NOL4: variants seen among roughly 807,000 people sequenced by gnomAD.
NOL4 encodes the protein nucleolar protein 4.
Under a neutral mutation model 75.9 loss-of-function variants are expected in NOL4, and 17 were observed. The ratio of observed to expected loss-of-function variants is 0.22; its 90% confidence interval spans 0.15 to 0.34. The LOEUF is 0.34. Ranked by LOEUF, NOL4 falls within the 10% of genes least tolerant of loss-of-function variation. The probability of loss-of-function intolerance (pLI) is 1.00; values close to 1 mark genes in which losing one functional copy is unlikely to be tolerated. For synonymous variants in NOL4, 292 were observed against 289.9 expected, an observed-to-expected ratio of 1.01 and a Z score of -0.07; for missense variants, 614 against 793.5, an observed-to-expected ratio of 0.77 and a Z score of 2.72.
chr18:33,871,873 G>T (rs980621710), intron 10 of NOL4, among the ~76,000 whole-genome samples: 1 of 152,026 alleles, frequency 6.6e-6, no homozygotes, highest in Non-Finnish European at 1.5e-5. Flanking sequence ...GGCCTTTCTT[G>T]GAGGCTTTCT....
intron 6 of NOL4, among the ~76,000 whole-genome samples, chr18:34,013,018 G>A (rs1297560526): frequency 6.6e-6 from 1 of 151,898 alleles, no homozygotes; most frequent in African/African-American, 2.4e-5. Flanking sequence ...TATTAATAAT[G>A]TCGCTGGAAT....
chr18:34,168,296 A>G (rs2032643195), intron 1 of NOL4, among the ~76,000 whole-genome samples: 3 of 152,086 alleles, frequency 2.0e-5, no homozygotes, highest in African/African-American at 7.2e-5. Flanking sequence ...AAAATGGAAT[A>G]CAGAAAATAA....
At chr18:34,059,095 A>G (rs2145095403) in intron 5 of NOL4, among the ~76,000 whole-genome samples, 1 of 143,716 alleles carries the variant, frequency 7.0e-6, no homozygotes, top group Admixed American at 7.3e-5. Context: ...AAAATCACAC[A>G]TATATATAGA....
chr18:34,052,146 A>C (rs1394583029), intron 5 of NOL4, among the ~76,000 whole-genome samples: 1 of 152,098 alleles, frequency 6.6e-6, no homozygotes, highest in African/African-American at 2.4e-5. Flanking sequence ...AAAGTGAATA[A>C]ATACTATCTA....
chr18:33,952,198 T>C (rs1483017170), intron 8 of NOL4, among the ~76,000 whole-genome samples: 5 of 152,098 alleles, frequency 3.3e-5, no homozygotes, highest in African/African-American at 1.2e-4. Flanking sequence ...GAGGCTCAGG[T>C]CAACACCTTG....
intron 1 of NOL4, among the ~76,000 whole-genome samples, chr18:34,178,021 TA>T (rs1245562267): frequency 6.6e-6 from 1 of 151,818 alleles, no homozygotes; most frequent in African/African-American, 2.4e-5. Context: ...CTACCTAGCT[TA>T]AAAGACAACT....
chr18:34,009,642 A>C (rs969434794), intron 6 of NOL4, among the ~76,000 whole-genome samples: 2 of 151,924 alleles, frequency 1.3e-5, no homozygotes, highest in Non-Finnish European at 2.9e-5. Context: ...GTTCAAAGTC[A>C]CAGAGCTGAT....
intron 5 of NOL4, among the ~76,000 whole-genome samples, chr18:34,027,275 G>A (rs1315350248): frequency 6.6e-6 from 1 of 152,152 alleles, no homozygotes; most frequent in Non-Finnish European, 1.5e-5. Flanking sequence ...CTCTCATGTG[G>A]GTTGGAGAAT....
chr18:34,141,204 A>C (rs2081141118), intron 1 of NOL4, among the ~76,000 whole-genome samples: 1 of 152,230 alleles, frequency 6.6e-6, no homozygotes, highest in Admixed American at 6.5e-5. Flanking sequence ...AAATGGAAGA[A>C]CATTCCATGC....
At chr18:33,903,654 T>C (rs1397046046) in intron 9 of NOL4, among the ~76,000 whole-genome samples, 1 of 152,202 alleles carries the variant, frequency 6.6e-6, no homozygotes, top group East Asian at 1.9e-4. Context: ...ATTCATTTTA[T>C]AATTGTGCCT....
At chr18:34,208,737 C>A (rs1421801940) in intron 1 of NOL4, among the ~76,000 whole-genome samples, 1 of 151,994 alleles carries the variant, frequency 6.6e-6, no homozygotes, top group African/African-American at 2.4e-5. Context: ...TGGCGCATGC[C>A]TGTAGCCTGA....
chr18:34,073,593 C>A (rs1283357699), intron 5 of NOL4, among the ~76,000 whole-genome samples: 1 of 151,832 alleles, frequency 6.6e-6, no homozygotes, highest in African/African-American at 2.4e-5. Context: ...ACAGAGACAA[C>A]CATTTCTTTC....
intron 9 of NOL4, among the ~76,000 whole-genome samples, chr18:33,930,626 C>CT (rs1290213381): frequency 6.6e-6 from 1 of 152,040 alleles, no homozygotes; most frequent in Admixed American, 6.6e-5. Flanking sequence ...TTCTCCAATG[C>CT]TGAGTAAACA....
chr18:33,986,394 T>C (rs2072457683), intron 6 of NOL4, among the ~76,000 whole-genome samples: 1 of 152,100 alleles, frequency 6.6e-6, no homozygotes, highest in African/African-American at 2.4e-5. Flanking sequence ...AATATGCCCT[T>C]GAACTTTTTA....
At chr18:33,891,938 A>G (rs529274668) in intron 9 of NOL4, among the ~76,000 whole-genome samples, 25 of 152,258 alleles carry the variant, frequency 1.6e-4, no homozygotes, top group East Asian at 7.7e-4. Flanking sequence ...GCAGTCCACA[A>G]TATGTTGAGA....
At chr18:34,115,531 T>C (rs951135084) in intron 2 of NOL4, among the ~76,000 whole-genome samples, 1 of 136,984 alleles carries the variant, frequency 7.3e-6, no homozygotes, top group Non-Finnish European at 1.6e-5. Context: ...ATAAGCAACA[T>C]GGAATAACTT....
At chr18:33,934,195 A>G (rs1460906093) in intron 9 of NOL4, among the ~76,000 whole-genome samples, 1 of 152,100 alleles carries the variant, frequency 6.6e-6, no homozygotes, top group Non-Finnish European at 1.5e-5. Flanking sequence ...GTGGGCTTAA[A>G]ATATTCAGTT....
intron 2 of NOL4, among the ~76,000 whole-genome samples, chr18:34,106,818 T>C (rs915765817): frequency 9.2e-5 from 14 of 152,032 alleles, no homozygotes; most frequent in African/African-American, 2.4e-4. Context: ...TCTTACTCTC[T>C]GAAGAAATAT....
intron 10 of NOL4, among the ~76,000 whole-genome samples, chr18:33,866,598 G>A (rs2063440269): frequency 6.6e-6 from 1 of 152,076 alleles, no homozygotes; most frequent in South Asian, 2.1e-4. Context: ...TTCTACCCAA[G>A]CTTCAAATTC....
Sources: gnomAD v4.1 joint callset for allele counts (sites outside exome capture counted in the v4.1 genomes callset) on GRCh38, gnomAD v4.1.1 for gene constraint, MANE v1.5 for transcripts, NCBI Gene and HGNC (gene_info 2026-07-23, HGNC 2026-07-21) for gene names.